The following SEPTIN12 variants were observed in gnomAD, a reference collection of about 807,000 sequenced individuals.
The protein encoded by SEPTIN12 is septin-12.
Under a neutral mutation model 37.7 loss-of-function variants are expected in SEPTIN12, and 42 were observed. The ratio of observed to expected loss-of-function variants is 1.11; its 90% CI spans 0.87 to 1.44. SEPTIN12 has a LOEUF of 1.44. SEPTIN12 is among the 40% of genes most tolerant of loss of function. SEPTIN12 has a pLI of 0.00. For missense variants in SEPTIN12, 613 were observed against 479.2 expected (o/e 1.28, Z -2.61); for synonymous variants, 254 against 196.7 (o/e 1.29, Z -2.44).
At position 4,786,233 on chromosome 16, in the gene SEPTIN12, A is replaced by T. The variant is rs915576333; in HGVS notation, c.167-128T>A. ...CTGTCACCCAGGCTGGAGTGCAATG[A>T]TGCAATCCCCGTTCACTGCAGCCTC... On this transcript the variant is annotated intron_variant, in intron 2 of 9. Coordinates refer to ENST00000268231, the MANE Select transcript of SEPTIN12 (RefSeq NM_144605.5). 17 of 1,205,608 alleles carry T rather than the reference A, an allele frequency of 1.4e-5. No individual in the cohort carries two copies. In the Admixed American group the frequency reaches 4.6e-4, roughly 32 times the overall value. The allele number at this position is 1,205,608 out of a possible 1,614,324, so 74.7% of individuals were successfully genotyped here. A position where few individuals can be genotyped will look rare whatever the true frequency, so the allele number is the denominator to read the frequency against.
In SEPTIN12 at chr16:4,783,647, A is replaced by G. The variant is rs773247193; in HGVS notation, c.630+2T>C. On this transcript the variant is annotated splice_donor_variant, in intron 6 of 9. Transcript: ENST00000268231. LOFTEE classifies it high-confidence loss of function. ...CCAGCCCTGCCCGGGCATCCAGATC[A>G]CCCTGCGCCTGAAGGCCTCTCGCTC... The G allele has an allele frequency of 1.2e-6, 2 of 1,613,482 alleles. No homozygotes were observed. Among genetic ancestry groups the G allele is most frequent in the Non-Finnish European group, 1.7e-6 (2 of 1,179,714 alleles).
upstream of SEPTIN12, among the ~76,000 whole-genome samples, chr16:4,790,658 G>T (rs2082537349): frequency 6.6e-6 from 1 of 152,134 alleles, no homozygotes; most frequent in Non-Finnish European, 1.5e-5. Flanking sequence ...CTTGGTGGCG[G>T]GCACCTGTAG....
intron 1 of SEPTIN12, chr16:4,787,970 G>C (rs1431386518): frequency 3.6e-6 from 1 of 274,680 alleles, no homozygotes; most frequent in East Asian, 8.2e-5. Context: ...AGCCTGGAGG[G>C]CCAGGCAAAG....
Position 4,783,936 on chromosome 16 carries a change from C to A in SEPTIN12, c.507G>T (p.Gly169=). ...TGCAGGTGCAGCCCCCTCACCAGTG[C>A]CCAGTGGGTGGTACAAAGTACACGC... ...HCCVYFVPPT[G]HCLRPLDIEF... The change falls in exon 5 of 10, where the codon GGG becomes GGT. Residue 169 remains glycine (G), a synonymous_variant. Coordinates refer to ENST00000268231, the MANE Select transcript of SEPTIN12 (RefSeq NM_144605.5). 1 of 1,614,122 alleles carries A rather than the reference C, an allele frequency of 6.2e-7. No homozygotes were observed. The highest frequency in any genetic ancestry group is 8.5e-7 in the Non-Finnish European group (1 of 1,179,982).
intron 7 of SEPTIN12, 27 bp downstream of exon 7, chr16:4,783,435 C>A (rs1344769280): frequency 1.9e-6 from 3 of 1,572,986 alleles, no homozygotes; most frequent in Non-Finnish European, 2.6e-6. Context: ...AATCACCTCG[C>A]CCGCCTCCCG....
intron 4 of SEPTIN12, among the ~76,000 whole-genome samples, chr16:4,784,925 C>T (rs940618674): frequency 1.3e-5 from 2 of 151,978 alleles, no homozygotes; most frequent in Admixed American, 6.6e-5. Flanking sequence ...GCCTGGCCAA[C>T]ATGGGGAAAT....
intron 7 of SEPTIN12, among the ~76,000 whole-genome samples, chr16:4,780,910 T>C (rs1193135122): frequency 6.7e-6 from 1 of 149,012 alleles, no homozygotes; most frequent in African/African-American, 2.5e-5. Flanking sequence ...CCCAGGAGGT[T>C]GGAGGTTGCT....
chr16:4,779,603 C>A (rs372432050), intron 8 of SEPTIN12, 87 bp downstream of exon 8: 3 of 818,164 alleles, frequency 3.7e-6, no homozygotes, highest in East Asian at 2.4e-5. Context: ...CCTTTCTGTG[C>A]CCTGTGATGG....
chr16:4,783,479 G>C lies in SEPTIN12; in HGVS notation c.709C>G (p.Leu237Val). Residue 237 changes from leucine to valine, a missense_variant, in exon 7 of 10, where the codon CTC (leucine) becomes GTC (valine). Coordinates refer to ENST00000268231, the MANE Select transcript of SEPTIN12 (RefSeq NM_144605.5). ...CCTCTCACCCGTAACTTGCTGTTGAGGATTTTGTCATTGATGTCCTCGTCA... is the reference window on the plus strand; with the variant it reads ...CCTCTCACCCGTAACTTGCTGTTGACGATTTTGTCATTGATGTCCTCGTCA... Reference protein sequence around the residue: ...CFDEDINDKILNSKLRDRIPF... With the variant: ...CFDEDINDKIVNSKLRDRIPF... The C allele has an allele frequency of 6.2e-7, 1 of 1,614,040 alleles. No homozygotes were observed. The highest frequency in any genetic ancestry group is 8.5e-7 in the Non-Finnish European group (1 of 1,179,974).
intron 7 of SEPTIN12, among the ~76,000 whole-genome samples, chr16:4,780,150 A>G (rs2082357471): frequency 6.6e-6 from 1 of 152,050 alleles, no homozygotes; most frequent in Admixed American, 6.6e-5. Context: ...CACACCTATA[A>G]TCCCATAGCT....
chr16:4,784,173 G>C, intron 4 of SEPTIN12, 105 bp from the exon 5 acceptor site: 1 of 1,373,494 alleles, frequency 7.3e-7, no homozygotes, highest in Non-Finnish European at 1.0e-6. Context: ...ACGACGAATC[G>C]TCCCGGTTGG....
Position 4,784,083 on chromosome 16 carries a change from G to T in SEPTIN12, c.375-15C>A. ...TGGGGTCCCAGCTGAGGCGGGAGGT[G>T]GACCCTCCCCTCAGAACTGTGCTGT... On this transcript the variant is annotated splice_polypyrimidine_tract_variant and intron_variant, in intron 4 of 9. Transcript: ENST00000268231. 1 of 1,613,590 alleles carries T rather than the reference G, an allele frequency of 6.2e-7. No homozygotes were observed. Among genetic ancestry groups the T allele is most frequent in the South Asian group, 1.1e-5 (1 of 91,062 alleles).
chr16:4,786,022 C>G lies in SEPTIN12; in HGVS notation c.250G>C (p.Val84Leu). 1 of 1,613,756 alleles carries G rather than the reference C, an allele frequency of 6.2e-7. No homozygotes were observed. The highest frequency in any genetic ancestry group is 8.5e-7 in the Non-Finnish European group (1 of 1,179,872). The change falls in exon 3 of 10, where the codon GTG becomes CTG. Residue 84 changes from valine (V) to leucine (L), a missense_variant. Physicochemically the swap from Val to Leu is conservative, Grantham distance 32. Coordinates refer to ENST00000268231, the MANE Select transcript of SEPTIN12 (RefSeq NM_144605.5). ...VWKSNPPGLG[V>L]PTPQTLQLHS... is the part of the protein sequence containing the mutation. ...AGCTGCAGCGTCTGGGGTGTGGGCACCCCCAAGCCCGGTGGGTTTGACTTC... is the reference window on the plus strand; with the variant it reads ...AGCTGCAGCGTCTGGGGTGTGGGCAGCCCCAAGCCCGGTGGGTTTGACTTC...
chr16:4,784,913 C>A (rs2082419301), intron 4 of SEPTIN12, among the ~76,000 whole-genome samples: 1 of 151,918 alleles, frequency 6.6e-6, no homozygotes, highest in Admixed American at 6.6e-5. Context: ...AGTTCGAGAC[C>A]AGCCTGGCCA....
intron 7 of SEPTIN12, 112 bp downstream of exon 7, chr16:4,783,350 G>T: frequency 1.2e-6 from 1 of 849,950 alleles, no homozygotes; most frequent in South Asian, 1.5e-5. Context: ...AATCATATCT[G>T]CTAGGAATAT....
chr16:4,783,232 T>C (rs2082392072), intron 7 of SEPTIN12: 1 of 563,056 alleles, frequency 1.8e-6, no homozygotes, highest in Non-Finnish European at 3.2e-6. Flanking sequence ...ATATTCAGGA[T>C]ACAAGCCCCT....
chr16:4,783,574 G>A lies in SEPTIN12; in HGVS notation c.631-17C>T, dbSNP rs1201308766. On this transcript the variant is annotated splice_polypyrimidine_tract_variant and intron_variant, in intron 6 of 9. Transcript: ENST00000268231. ...CTGCTGGATCTGGAGATCCCACACA[G>A]GTGACCTCAGCCCACCCTGCCCACT... 1.2e-6 allele frequency: 2 copies of A among 1,612,906 alleles called. No individual in the cohort carries two copies. Among genetic ancestry groups the A allele is most frequent in the Non-Finnish European group, 8.5e-7 (1 of 1,178,916 alleles).
rs1443043484 is a variant in SEPTIN12, at chr16:4,787,410, G to A, written c.166+70C>T. On this transcript the variant is annotated intron_variant, in intron 2 of 9. Transcript: ENST00000268231. ...GGGGAGGGGCGACAGGCTGCCAAAG[G>A]TGAGGCCACACGCCCAGGCACGCGT... 4.9e-6 allele frequency: 7 copies of A among 1,424,238 alleles called. No homozygotes were observed. In the East Asian group the frequency reaches 6.8e-5, roughly 14 times the overall value. 88.2% of individuals were successfully genotyped at this position (1,424,238 alleles called of 1,614,324 possible). A position where few individuals can be genotyped will look rare whatever the true frequency, so the allele number is the denominator to read the frequency against.
At position 4,787,462 on chromosome 16, in the gene SEPTIN12, G is replaced by T; in HGVS notation, c.166+18C>A. 1 of 1,610,368 alleles carries T rather than the reference G, an allele frequency of 6.2e-7. No homozygotes were observed. ...GCACTGTGGGTCTGTCCTGCCGTGG[G>T]CCCTACCTCTCACTCACCCACCACC... On this transcript the variant is annotated intron_variant, in intron 2 of 9. Transcript: ENST00000268231.
Sources: allele counts gnomAD v4.1 joint callset (sites outside exome capture counted in the v4.1 genomes callset), GRCh38; gene constraint gnomAD v4.1.1; transcripts MANE v1.5; gene names NCBI Gene and HGNC (gene_info 2026-07-23, HGNC 2026-07-21).